Variants in KCNAB1 observed in about 807,000 individuals in gnomAD.
KCNAB1 encodes voltage-gated potassium channel subunit beta-1.
A neutral mutation model predicts 64.6 loss-of-function variants in KCNAB1; 35 were observed. The ratio of observed to expected loss-of-function variants is 0.54; its 90% CI spans 0.41 to 0.72. The LOEUF (loss-of-function observed/expected upper bound fraction) is 0.72. Among genes scored for constraint, KCNAB1 ranks in the 30% least tolerant of loss-of-function variants. The probability of loss-of-function intolerance (pLI) is 0.00; values close to 1 mark genes in which losing one functional copy is unlikely to be tolerated. For missense variants in KCNAB1, 401 were observed against 512.9 expected (o/e 0.78, Z 2.11); for synonymous variants, 177 against 183.8 (o/e 0.96, Z 0.30).
At chr3:156,363,201 T>A (rs1725723788) in intron 1 of KCNAB1, among the ~76,000 whole-genome samples, 1 of 152,252 alleles carries the variant, frequency 6.6e-6, no homozygotes, top group Non-Finnish European at 1.5e-5. Flanking sequence ...CATATAATTC[T>A]TTGCAAAGCA....
chr3:156,485,843 G>A (rs905346432), intron 8 of KCNAB1, among the ~76,000 whole-genome samples: 3 of 152,078 alleles, frequency 2.0e-5, no homozygotes, highest in African/African-American at 7.2e-5. Flanking sequence ...AGAACATGAC[G>A]TATTTGATTT....
chr3:156,182,709 T>A (rs974809199), intron 1 of KCNAB1, among the ~76,000 whole-genome samples: 4 of 151,002 alleles, frequency 2.6e-5, no homozygotes, highest in South Asian at 4.2e-4. Flanking sequence ...TTTTTTTTTT[T>A]TTTTATTTTG....
chr3:156,132,645 G>GA (rs1714072419), intron 1 of KCNAB1, among the ~76,000 whole-genome samples: 1 of 152,232 alleles, frequency 6.6e-6, no homozygotes, highest in South Asian at 2.1e-4. Context: ...CACTTGTGGA[G>GA]AGCCAGGAGA....
intron 1 of KCNAB1, among the ~76,000 whole-genome samples, chr3:156,402,148 AT>A (rs1047215184): frequency 6.7e-6 from 1 of 148,592 alleles, no homozygotes; most frequent in African/African-American, 2.4e-5. Flanking sequence ...TTAAAGTATA[AT>A]TTAAAAAAAA....
At chr3:156,215,804 G>A (rs1355652557) in intron 1 of KCNAB1, 1 of 152,218 alleles carries the variant, frequency 6.6e-6, no homozygotes, top group East Asian at 1.9e-4. Flanking sequence ...CTCCACTGCT[G>A]CCTACAGGAT....
intron 1 of KCNAB1, among the ~76,000 whole-genome samples, chr3:156,329,809 A>G (rs1723216086): frequency 6.6e-6 from 1 of 152,038 alleles, no homozygotes; most frequent in African/African-American, 2.4e-5. Context: ...TGTAGACACA[A>G]CTCTCCTTTG....
chr3:156,334,943 G>A (rs1258941291), intron 1 of KCNAB1, among the ~76,000 whole-genome samples: 1 of 152,164 alleles, frequency 6.6e-6, no homozygotes, highest in Non-Finnish European at 1.5e-5. Flanking sequence ...CATTGCACTG[G>A]TTCCCTGATC....
chr3:156,501,484 C>T (rs1006424390), intron 8 of KCNAB1, among the ~76,000 whole-genome samples: 6 of 126,100 alleles, frequency 4.8e-5, no homozygotes, highest in East Asian at 2.4e-4. Context: ...GGCTGGAAAT[C>T]GCAATGATGT....
At chr3:156,401,657 C>T (rs1277665631) in intron 1 of KCNAB1, among the ~76,000 whole-genome samples, 5 of 152,200 alleles carry the variant, frequency 3.3e-5, no homozygotes, top group Admixed American at 6.5e-5. Flanking sequence ...GCTGCACCAA[C>T]GCTACAGCCA....
chr3:156,331,245 G>A (rs1723309376), intron 1 of KCNAB1, among the ~76,000 whole-genome samples: 1 of 152,194 alleles, frequency 6.6e-6, no homozygotes, highest in African/African-American at 2.4e-5. Context: ...CGATCATGTA[G>A]ATGTTCTAAC....
At chr3:156,467,014 C>G (rs572889497) in intron 7 of KCNAB1, among the ~76,000 whole-genome samples, 2 of 152,166 alleles carry the variant, frequency 1.3e-5, no homozygotes, top group South Asian at 4.1e-4. Context: ...GCTGAAAATG[C>G]GTTTAATACA....
At chr3:156,512,168 T>C (rs1209756819) in intron 8 of KCNAB1, among the ~76,000 whole-genome samples, 3 of 152,238 alleles carry the variant, frequency 2.0e-5, no homozygotes, top group Non-Finnish European at 4.4e-5. Flanking sequence ...CATCTCTCAC[T>C]CAACTTGAAA....
At chr3:156,519,547 C>A (rs565777126) in intron 11 of KCNAB1, among the ~76,000 whole-genome samples, 1 of 152,194 alleles carries the variant, frequency 6.6e-6, no homozygotes, top group Admixed American at 6.5e-5. Flanking sequence ...TATTATTCCA[C>A]GAACACTTCT....
chr3:156,229,868 T>G (rs1716414914), intron 1 of KCNAB1, among the ~76,000 whole-genome samples: 2 of 152,196 alleles, frequency 1.3e-5, no homozygotes, highest in South Asian at 4.1e-4. Flanking sequence ...AGTTTTTTTT[T>G]TTAAGAGAAG....
At chr3:156,310,661 G>A (rs1414898511) in intron 1 of KCNAB1, among the ~76,000 whole-genome samples, 5 of 152,080 alleles carry the variant, frequency 3.3e-5, no homozygotes, top group East Asian at 1.9e-4. Context: ...AAAATTAGCC[G>A]GGCGGGGTGG....
At chr3:156,430,767 C>T (rs1205317578) in intron 2 of KCNAB1, among the ~76,000 whole-genome samples, 1 of 152,148 alleles carries the variant, frequency 6.6e-6, no homozygotes, top group African/African-American at 2.4e-5. Context: ...TCTTCATGTC[C>T]CAAACTTCCG....
rs544405756 is a variant in KCNAB1, at chr3:156,413,312, G to T, written c.276-8304G>T. Among the ~76,000 whole-genome samples the T allele has an allele frequency of 7.2e-5, 11 of 152,282 alleles. No homozygotes were observed. The South Asian group carries it at 2.3e-3, about 32-fold the overall frequency. ...TACGATGTTCCTCCACTCAAAGCAG[G>T]GTTAGAAACTCACTTATGGAGGCAA... On this transcript the variant is annotated intron_variant, in intron 1 of 13. Coordinates refer to ENST00000490337, the MANE Select transcript of KCNAB1 (RefSeq NM_172160.3).
intron 1 of KCNAB1, among the ~76,000 whole-genome samples, chr3:156,247,685 C>G (rs2108458903): frequency 6.6e-6 from 1 of 152,244 alleles, no homozygotes; most frequent in East Asian, 1.9e-4. Flanking sequence ...ACCTCAGCCT[C>G]CCAGATAGCT....
intron 1 of KCNAB1, among the ~76,000 whole-genome samples, chr3:156,390,150 A>G (rs1712922161): frequency 6.6e-6 from 1 of 152,360 alleles, no homozygotes; most frequent in Non-Finnish European, 1.5e-5. Flanking sequence ...CTTCAAACCT[A>G]TGAAAGCAGC....
Sources: gnomAD v4.1 joint callset for allele counts (sites outside exome capture counted in the v4.1 genomes callset) on GRCh38, gnomAD v4.1.1 for gene constraint, MANE v1.5 for transcripts, NCBI Gene and HGNC (gene_info 2026-07-23, HGNC 2026-07-21) for gene names.